The following STX5 variants were observed in gnomAD, a reference collection of about 807,000 sequenced individuals.
The protein encoded by STX5 is syntaxin 5.
In STX5, 15 loss-of-function variants were observed where a neutral mutation model predicts 42.9. The ratio of observed to expected loss-of-function variants is 0.35; its 90% confidence interval spans 0.23 to 0.54. STX5 has a LOEUF of 0.54. Ranked by LOEUF, STX5 falls within the 20% of genes least tolerant of loss-of-function variation. The pLI, the probability that STX5 is intolerant of heterozygous loss-of-function variation, is 0.91. For missense variants in STX5, 430 were observed against 455.0 expected, an observed-to-expected ratio of 0.95 and a Z score of 0.50; for synonymous variants, 184 against 173.2, an observed-to-expected ratio of 1.06 and a Z score of -0.49.
chr11:62,812,141 G>A (rs1439817858), intron 10 of STX5, among the ~76,000 whole-genome samples: 1 of 145,748 alleles, frequency 6.9e-6, no homozygotes, highest in African/African-American at 2.5e-5. Flanking sequence ...GCAATGGTGC[G>A]ATCTCAGCTC....
rs1444466434 is a variant in STX5 at position 62,827,041 on chromosome 11, C to T, written c.423+114G>A. On this transcript the variant is annotated intron_variant, in intron 5 of 10. Coordinates refer to ENST00000294179, the MANE Select transcript of STX5 (RefSeq NM_003164.5). ...CTCCAGACTGGTCAACACAGTGAGACCCCCCTCTCTAAAAAAAGAAACTTG... is the reference window on the plus strand; with the variant it reads ...CTCCAGACTGGTCAACACAGTGAGATCCCCCTCTCTAAAAAAAGAAACTTG... 8 of 897,074 alleles carry T rather than the reference C, an allele frequency of 8.9e-6. No homozygotes were observed. The East Asian group carries it at 1.3e-4, about 15-fold the overall frequency. 55.6% of individuals were successfully genotyped at this position (897,074 alleles called of 1,614,324 possible). A position where few individuals can be genotyped will look rare whatever the true frequency, so the allele number is the denominator to read the frequency against.
At chr11:62,825,011 G>C in intron 8 of STX5, 25 bp downstream of exon 8, 1 of 1,611,696 alleles carries the variant, frequency 6.2e-7, no homozygotes. Flanking sequence ...ACCTCCCAGG[G>C]CTCCCCGTTT....
At chr11:62,824,796 GA>G (rs141095457) in intron 8 of STX5, among the ~76,000 whole-genome samples, 4,141 of 151,858 alleles carry the variant, frequency 0.027, 190 homozygotes, top group African/African-American at 0.091. Flanking sequence ...TAAAGTGTAC[GA>G]AAAAAAATTA....
chr11:62,809,172 C>T (rs528017328), intron 10 of STX5, among the ~76,000 whole-genome samples: 10 of 151,022 alleles, frequency 6.6e-5, no homozygotes, highest in South Asian at 2.1e-4. Context: ...CCTGTAGTCC[C>T]GGCTATTCGG....
intron 9 of STX5, 31 bp downstream of exon 9, chr11:62,824,428 G>C (rs751065702): frequency 1.2e-6 from 2 of 1,613,798 alleles, no homozygotes; most frequent in East Asian, 4.5e-5. Flanking sequence ...TAATGGAGAA[G>C]CTGATTCTAC....
intron 10 of STX5, among the ~76,000 whole-genome samples, chr11:62,813,709 G>T (rs1330707719): frequency 6.6e-6 from 1 of 152,296 alleles, no homozygotes; most frequent in Middle Eastern, 3.4e-3. Context: ...AAGTGGGCAG[G>T]AGTGGATTCC....
At chr11:62,810,519 G>A (rs1210718071) in intron 10 of STX5, among the ~76,000 whole-genome samples, 1 of 152,178 alleles carries the variant, frequency 6.6e-6, no homozygotes, top group African/African-American at 2.4e-5. Context: ...TGTTTATTGT[G>A]CTATCCTCCC....
intron 10 of STX5, among the ~76,000 whole-genome samples, chr11:62,811,285 A>G (rs1229371924): frequency 1.3e-5 from 2 of 152,050 alleles, no homozygotes; most frequent in East Asian, 3.8e-4. Context: ...AATGCCTACT[A>G]AACTCTGTCA....
At chr11:62,812,073 CTTTTTT>C (rs1192177705) in intron 10 of STX5, among the ~76,000 whole-genome samples, 1 of 113,822 alleles carries the variant, frequency 8.8e-6, no homozygotes, top group Non-Finnish European at 1.8e-5. Context: ...ACTCAAATAC[CTTTTTT>C]TTTTTTTTTT....
Position 62,825,057 on chromosome 11 carries a change from G to A in STX5, c.658C>T (p.Pro220Ser), listed in dbSNP as rs1301878994. ...QFSRAPVSAL[P>S]LAPNHLGGGA... Reference sequence around the variant, plus strand: ...TTACCCAGGTGGTTAGGGGCAAGGGGCAGGGCTGACACAGGTGCCCGGGAG... The same window carrying A: ...TTACCCAGGTGGTTAGGGGCAAGGGACAGGGCTGACACAGGTGCCCGGGAG... The change falls in exon 8 of 11, where the codon CCC (proline) becomes TCC (serine). Residue 220 changes from proline to serine, a missense_variant. Coordinates refer to ENST00000294179, the MANE Select transcript of STX5 (RefSeq NM_003164.5). The A allele has an allele frequency of 5.6e-6, 9 of 1,613,940 alleles. No individual in the cohort carries two copies. The highest frequency in any genetic ancestry group is 7.6e-6 in the Non-Finnish European group (9 of 1,180,024).
In STX5 at chr11:62,831,135, CGCT is replaced by C. The variant is rs1276503449; in HGVS notation, c.106_108del (p.Ser36del). 16 of 1,556,028 alleles carry C rather than the reference CGCT, an allele frequency of 1.0e-5. No individual in the cohort carries two copies. The highest frequency in any genetic ancestry group is 1.4e-5 in the Non-Finnish European group (16 of 1,149,746). ...ACTGGGGGGGGCAGAGGGGCGATGT[CGCT>C]GCTGCTACTGCCAGCAGTTGCAGGG... On this transcript the variant is annotated inframe_deletion, in exon 2 of 11. Transcript: ENST00000294179.
At chr11:62,818,947 C>T (rs532335282) in intron 10 of STX5, among the ~76,000 whole-genome samples, 4 of 151,862 alleles carry the variant, frequency 2.6e-5, no homozygotes, top group East Asian at 3.9e-4. Flanking sequence ...AGGCCGGGTG[C>T]GGTGGCTCGT....
chr11:62,824,918 G>A, intron 8 of STX5, 118 bp downstream of exon 8: 1 of 997,400 alleles, frequency 1.0e-6, no homozygotes, highest in Non-Finnish European at 1.5e-6. Flanking sequence ...GAGAGATAAA[G>A]CCTAGAAAAT....
intron 10 of STX5, among the ~76,000 whole-genome samples, chr11:62,810,221 T>G (rs1351689403): frequency 1.3e-5 from 2 of 151,966 alleles, no homozygotes; most frequent in Non-Finnish European, 2.9e-5. Flanking sequence ...GTGGCTGGAT[T>G]GCTTGAGTTC....
intron 2 of STX5, among the ~76,000 whole-genome samples, chr11:62,829,061 A>AAAAC (rs199811303): frequency 0.064 from 9,630 of 150,888 alleles, 344 homozygotes; most frequent in East Asian, 0.13. Flanking sequence ...GACTGTCTCA[A>AAAAC]AAACAAACAA....
intron 10 of STX5, among the ~76,000 whole-genome samples, chr11:62,810,739 G>A (rs968590968): frequency 6.6e-6 from 1 of 152,232 alleles, no homozygotes; most frequent in Non-Finnish European, 1.5e-5. Flanking sequence ...GGTTTCTAGA[G>A]CAAGTGCTGA....
At chr11:62,831,843 G>C (rs770975436) in intron 1 of STX5, 111 bp downstream of exon 1, 1 of 453,112 alleles carries the variant, frequency 2.2e-6, no homozygotes, top group Non-Finnish European at 4.4e-6. Context: ...CGGGCCGGCA[G>C]GACTTGCCCG....
chr11:62,824,003 A>G (rs1001000694), intron 10 of STX5, 163 bp downstream of exon 10: 7 of 1,148,010 alleles, frequency 6.1e-6, no homozygotes, highest in East Asian at 2.4e-5. Context: ...CAGGTGCTCA[A>G]TAAAAACTTG....
intron 9 of STX5, 55 bp from the exon 10 acceptor site, chr11:62,824,342 T>C (rs1780436148): frequency 1.2e-6 from 2 of 1,613,016 alleles, no homozygotes; most frequent in Non-Finnish European, 1.7e-6. Flanking sequence ...GGGTCAGACC[T>C]GCATTTTTAC....
Sources: allele counts gnomAD v4.1 joint callset (sites outside exome capture counted in the v4.1 genomes callset), GRCh38; gene constraint gnomAD v4.1.1; transcripts MANE v1.5; gene names NCBI Gene and HGNC (gene_info 2026-07-23, HGNC 2026-07-21).